The following ARHGEF28 variants were observed in gnomAD, a reference collection of about 807,000 sequenced individuals.
ARHGEF28 encodes the protein Rho guanine nucleotide exchange factor 28, also known as 190 kDa guanine nucleotide exchange factor.
Under a neutral mutation model 206.6 loss-of-function variants are expected in ARHGEF28, and 152 were observed. The ratio of observed to expected loss-of-function variants is 0.74; its 90% confidence interval spans 0.64 to 0.84. The LOEUF (loss-of-function observed/expected upper bound fraction) is 0.84, where lower values mean the gene tolerates loss of function less well. Among genes scored for constraint, ARHGEF28 ranks in the 40% least tolerant of loss-of-function variants. The pLI is 0.00. For missense variants in ARHGEF28, 2,028 were observed against 2,073.2 expected (o/e 0.98, Z 0.42); for synonymous variants, 763 against 776.4 (o/e 0.98, Z 0.29).
intron 9 of ARHGEF28, among the ~76,000 whole-genome samples, chr5:73,822,269 A>G (rs1184349305): frequency 1.3e-5 from 2 of 152,172 alleles, no homozygotes; most frequent in Non-Finnish European, 2.9e-5. Flanking sequence ...GACTGCCCTG[A>G]GAGGCCCGAC....
intron 6 of ARHGEF28, among the ~76,000 whole-genome samples, chr5:73,777,790 T>C (rs11957938): frequency 0.61 from 93,174 of 152,002 alleles, 29,668 homozygotes; most frequent in African/African-American, 0.81. Flanking sequence ...CTGCTCAAGC[T>C]GGCTGGGCGT....
chr5:73,635,364 AT>A (rs538487932), intron 1 of ARHGEF28, among the ~76,000 whole-genome samples: 132 of 150,026 alleles, frequency 8.8e-4, no homozygotes, highest in Middle Eastern at 3.4e-3. Flanking sequence ...AAAGAAAGCC[AT>A]TTTTTTTTTA....
intron 2 of ARHGEF28, among the ~76,000 whole-genome samples, chr5:73,724,031 T>C (rs560431724): frequency 6.6e-6 from 1 of 152,354 alleles, no homozygotes; most frequent in East Asian, 1.9e-4. Context: ...GAGGTACCTG[T>C]GCCAGGGTCT....
intron 13 of ARHGEF28, among the ~76,000 whole-genome samples, chr5:73,852,091 C>G (rs1758737537): frequency 6.6e-6 from 1 of 152,164 alleles, no homozygotes; most frequent in African/African-American, 2.4e-5. Context: ...GCATGAACCT[C>G]CCTTCTGGCC....
At chr5:73,897,191 T>C (rs1762006320) in intron 29 of ARHGEF28, among the ~76,000 whole-genome samples, 1 of 152,204 alleles carries the variant, frequency 6.6e-6, no homozygotes, top group South Asian at 2.1e-4. Context: ...CGAATCCTAA[T>C]AGATAATAGA....
At chr5:73,766,036 C>T (rs1752878928) in intron 4 of ARHGEF28, among the ~76,000 whole-genome samples, 2 of 151,750 alleles carry the variant, frequency 1.3e-5, no homozygotes, top group Admixed American at 6.6e-5. Flanking sequence ...CCTGTAGTCC[C>T]AGCTACTCGG....
intron 1 of ARHGEF28, among the ~76,000 whole-genome samples, chr5:73,647,336 C>T (rs1308265992): frequency 6.6e-6 from 1 of 151,964 alleles, no homozygotes; most frequent in Non-Finnish European, 1.5e-5. Context: ...GAAAATATTC[C>T]AAAAATCTGA....
intron 1 of ARHGEF28, among the ~76,000 whole-genome samples, chr5:73,682,793 A>G (rs1747191117): frequency 6.6e-6 from 1 of 151,800 alleles, no homozygotes; most frequent in Non-Finnish European, 1.5e-5. Context: ...CTGTAAGGCC[A>G]GCCACTCGGG....
intron 1 of ARHGEF28, among the ~76,000 whole-genome samples, chr5:73,651,446 A>C (rs1744822401): frequency 6.6e-6 from 1 of 152,204 alleles, no homozygotes; most frequent in African/African-American, 2.4e-5. Context: ...ATGTTGTTTT[A>C]CTTAGATTGA....
At chr5:73,905,702 T>G (rs759367100) in intron 33 of ARHGEF28, among the ~76,000 whole-genome samples, 1 of 152,214 alleles carries the variant, frequency 6.6e-6, no homozygotes, top group South Asian at 2.1e-4. Flanking sequence ...ATTCAATCCC[T>G]TATTGTTTAC....
chr5:73,757,582 A>C (rs1214169399), intron 4 of ARHGEF28, among the ~76,000 whole-genome samples: 1 of 152,226 alleles, frequency 6.6e-6, no homozygotes, highest in Non-Finnish European at 1.5e-5. Flanking sequence ...CCAGAGTCTG[A>C]GTAGAGCATG....
intron 1 of ARHGEF28, among the ~76,000 whole-genome samples, chr5:73,657,914 G>T (rs1745319064): frequency 1.3e-5 from 2 of 152,022 alleles, no homozygotes; most frequent in African/African-American, 4.8e-5. Context: ...CAATCTTCTG[G>T]GCTGCTGAGA....
intron 22 of ARHGEF28, among the ~76,000 whole-genome samples, chr5:73,881,377 T>G (rs889611547): frequency 6.6e-6 from 1 of 152,214 alleles, no homozygotes; most frequent in Non-Finnish European, 1.5e-5. Flanking sequence ...TGTATATCAG[T>G]TTGAAGAAAA....
chr5:73,874,561 C>T (rs1367876601), intron 22 of ARHGEF28, among the ~76,000 whole-genome samples: 1 of 39,226 alleles, frequency 2.5e-5, no homozygotes, highest in Non-Finnish European at 4.8e-5. Context: ...TCCCTCCCCC[C>T]TCCCCCCTCC....
At chr5:73,739,806 G>T (rs1751249982) in intron 2 of ARHGEF28, among the ~76,000 whole-genome samples, 1 of 145,338 alleles carries the variant, frequency 6.9e-6, no homozygotes. Flanking sequence ...ACAAGGTCCT[G>T]TCTCTAATAA....
At chr5:73,851,352 G>A (rs1758687945) in intron 13 of ARHGEF28, among the ~76,000 whole-genome samples, 1 of 150,534 alleles carries the variant, frequency 6.6e-6, no homozygotes, top group Admixed American at 6.6e-5. Flanking sequence ...TATTTGTGAT[G>A]TTCTGTCTTC....
intron 12 of ARHGEF28, 84 bp from the exon 13 acceptor site, chr5:73,848,892 C>A (rs1367735782): frequency 5.0e-6 from 5 of 994,456 alleles, no homozygotes; most frequent in Non-Finnish European, 7.5e-6. Context: ...TTCAAAGGTG[C>A]AAATTTAGTA....
chr5:73,893,082 C>A, intron 27 of ARHGEF28, 115 bp from the exon 28 acceptor site: 1 of 841,736 alleles, frequency 1.2e-6, no homozygotes, highest in Non-Finnish European at 1.8e-6. Context: ...TCCCTTTATG[C>A]TGAAATTTTC....
chr5:73,629,850 C>G (rs1743251880), intron 1 of ARHGEF28, among the ~76,000 whole-genome samples: 1 of 152,166 alleles, frequency 6.6e-6, no homozygotes, highest in African/African-American at 2.4e-5. Context: ...ATCTTTCCCT[C>G]AATTATAAAT....
Sources: gnomAD v4.1 joint callset for allele counts (sites outside exome capture counted in the v4.1 genomes callset) on GRCh38, gnomAD v4.1.1 for gene constraint, MANE v1.5 for transcripts, NCBI Gene and HGNC (gene_info 2026-07-23, HGNC 2026-07-21) for gene names.